PIBF1: variants seen among roughly 807,000 people sequenced by gnomAD.
PIBF1 encodes the protein progesterone immunomodulatory binding factor 1.
PIBF1 carries 90 observed loss-of-function variants against 112.5 expected under a neutral mutation model. That is an observed-to-expected ratio of 0.80 (90% CI 0.67 to 0.95). PIBF1 has a LOEUF of 0.95. PIBF1 is among the 40% of genes least tolerant of loss of function. PIBF1 has a pLI of 0.00. For synonymous variants in PIBF1, 301 were observed against 288.6 expected (o/e 1.04, Z -0.44); for missense variants, 915 against 852.3 (o/e 1.07, Z -0.92).
At chr13:72,790,423 A>T (rs753282951) in intron 2 of PIBF1, among the ~76,000 whole-genome samples, 15 of 67,974 alleles carry the variant, frequency 2.2e-4, no homozygotes, top group East Asian at 8.5e-4. Context: ...GGAGTCCATC[A>T]CACACACACA....
At chr13:72,974,418 G>A (rs2042970419) in intron 16 of PIBF1, among the ~76,000 whole-genome samples, 1 of 151,964 alleles carries the variant, frequency 6.6e-6, no homozygotes, top group East Asian at 1.9e-4. Flanking sequence ...TGTAACTATT[G>A]TTTACCTTTT....
At chr13:73,010,904 G>A (rs1270937599) in intron 17 of PIBF1, among the ~76,000 whole-genome samples, 1 of 123,858 alleles carries the variant, frequency 8.1e-6, no homozygotes, top group Admixed American at 1.1e-4. Context: ...TCAGCTCACT[G>A]CAACCTCCAC....
rs556139131 is a variant in PIBF1 at position 72,906,012 on chromosome 13, A to G, written c.1489-2519A>G. ...GTGCCTCTCTCATAATGAATCCTCA[A>G]TAAATACTTGATGAATGAATGGTTT... On this transcript the variant is annotated intron_variant, in intron 11 of 17. Transcript: ENST00000326291. Among the ~76,000 whole-genome samples, 8 of 152,294 alleles carry G rather than the reference A, an allele frequency of 5.3e-5. No homozygotes were observed. The South Asian group carries it at 1.5e-3, about 28-fold the overall frequency.
intron 9 of PIBF1, among the ~76,000 whole-genome samples, chr13:72,846,948 T>A (rs2037903801): frequency 6.6e-6 from 1 of 152,180 alleles, no homozygotes; most frequent in South Asian, 2.1e-4. Context: ...TTGGTACTAC[T>A]TTTTAGAAAT....
chr13:72,994,496 T>C (rs1347637130), intron 16 of PIBF1, among the ~76,000 whole-genome samples: 1 of 152,168 alleles, frequency 6.6e-6, no homozygotes, highest in African/African-American at 2.4e-5. Context: ...TAAAACATTC[T>C]TCTTTGAGCA....
chr13:72,849,477 GA>G (rs1450964026), intron 9 of PIBF1, among the ~76,000 whole-genome samples: 1 of 152,120 alleles, frequency 6.6e-6, no homozygotes, highest in Non-Finnish European at 1.5e-5. Flanking sequence ...TTTAACATTT[GA>G]AATGGATTAC....
At chr13:73,012,623 T>C (rs1203147825) in intron 17 of PIBF1, among the ~76,000 whole-genome samples, 1 of 150,992 alleles carries the variant, frequency 6.6e-6, no homozygotes, top group Admixed American at 6.6e-5. Context: ...GGCACTGTGG[T>C]GCACACCTGT....
At chr13:72,885,687 A>G (rs1248213967) in intron 10 of PIBF1, among the ~76,000 whole-genome samples, 2 of 152,088 alleles carry the variant, frequency 1.3e-5, no homozygotes, top group African/African-American at 4.8e-5. Flanking sequence ...CCAGAACTCA[A>G]CATGCCCAAG....
At position 72,897,790 on chromosome 13, in the gene PIBF1, C is replaced by T. The variant is rs147219800; in HGVS notation, c.1488+3841C>T. On this transcript the variant is annotated intron_variant, in intron 11 of 17. Coordinates refer to ENST00000326291, the MANE Select transcript of PIBF1 (RefSeq NM_006346.4). ...ACAATGGACCTAACACTGGAGCTCC[C>T]AAATTTATAAAACAATTACTAATAG... 6.4e-3 allele frequency among the ~76,000 whole-genome samples: 978 copies of T among 152,260 alleles called. 19 individuals carry two copies. Among genetic ancestry groups the T allele is most frequent in the African/African-American group, 0.022 (916 of 41,562 alleles).
At chr13:72,969,347 A>C (rs1035641490) in intron 15 of PIBF1, among the ~76,000 whole-genome samples, 1 of 152,206 alleles carries the variant, frequency 6.6e-6, no homozygotes, top group Non-Finnish European at 1.5e-5. Context: ...ATTAATTACC[A>C]AGAAAAATTT....
At chr13:72,821,503 A>T (rs527253142) in intron 5 of PIBF1, among the ~76,000 whole-genome samples, 3 of 152,264 alleles carry the variant, frequency 2.0e-5, no homozygotes, top group Middle Eastern at 6.8e-3. Flanking sequence ...TGTTTTATTC[A>T]CTTCTGTATC....
At chr13:72,928,044 T>TATATAC (rs1425822905) in intron 13 of PIBF1, among the ~76,000 whole-genome samples, 40 of 130,072 alleles carry the variant, frequency 3.1e-4, no homozygotes, top group African/African-American at 1.1e-3. Flanking sequence ...TATATATATA[T>TATATAC]ACATATATAT....
chr13:72,953,360 GTGCGGCAC>G (rs1043398985), intron 14 of PIBF1, among the ~76,000 whole-genome samples: 5 of 152,280 alleles, frequency 3.3e-5, no homozygotes, highest in Non-Finnish European at 5.9e-5. Context: ...CCTCCGTAAT[GTGCGGCAC>G]TCCCCCTTTA....
At chr13:72,837,997 A>G (rs1032096711) in intron 9 of PIBF1, among the ~76,000 whole-genome samples, 3 of 152,206 alleles carry the variant, frequency 2.0e-5, no homozygotes, top group East Asian at 3.8e-4. Context: ...GCCCTACATT[A>G]GAAAGGAGGA....
At chr13:72,810,652 G>C (rs1195301889) in intron 5 of PIBF1, among the ~76,000 whole-genome samples, 1 of 152,166 alleles carries the variant, frequency 6.6e-6, no homozygotes, top group Admixed American at 6.5e-5. Context: ...TTATCCAAGT[G>C]ATGAGCTTAA....
At chr13:72,955,870 G>A (rs538796891) in intron 14 of PIBF1, among the ~76,000 whole-genome samples, 5 of 151,996 alleles carry the variant, frequency 3.3e-5, no homozygotes, top group South Asian at 4.2e-4. Context: ...GCCCCTCCTC[G>A]TTTTACTTTT....
chr13:72,987,841 TATTTATTTATTTATTTA>T (rs1566521993), intron 16 of PIBF1, among the ~76,000 whole-genome samples: 1 of 94,382 alleles, frequency 1.1e-5, no homozygotes, highest in Non-Finnish European at 1.9e-5. Context: ...TTTTGTAATT[TATTTATTTATTTATTTA>T]TTTTTTTTTT....
intron 14 of PIBF1, among the ~76,000 whole-genome samples, chr13:72,963,964 G>A (rs577588161): frequency 6.6e-6 from 1 of 152,260 alleles, no homozygotes; most frequent in East Asian, 1.9e-4. Context: ...TGACCTAACA[G>A]TTCTACTCCA....
chr13:72,890,886 T>TA (rs2040030472), intron 10 of PIBF1, among the ~76,000 whole-genome samples: 1 of 152,214 alleles, frequency 6.6e-6, no homozygotes, highest in South Asian at 2.1e-4. Flanking sequence ...ACAAAATACT[T>TA]ACACAGGCTT....
Sources: allele counts gnomAD v4.1 joint callset (sites outside exome capture counted in the v4.1 genomes callset), GRCh38; gene constraint gnomAD v4.1.1; transcripts MANE v1.5; gene names NCBI Gene and HGNC (gene_info 2026-07-23, HGNC 2026-07-21).